The following TEX50 variants were observed in gnomAD, a reference collection of about 807,000 sequenced individuals.
The protein encoded by TEX50 is testis expressed 50.
TEX50 carries 3 observed loss-of-function variants against 9.8 expected under a neutral mutation model. The observed-to-expected ratio is 0.31, with a 90% CI of 0.14 to 0.79. The LOEUF is 0.79. TEX50 is among the 30% of genes least tolerant of loss of function. The pLI, the probability that TEX50 is intolerant of heterozygous loss-of-function variation, is 0.63. For synonymous variants in TEX50, 61 were observed against 72.1 expected, an observed-to-expected ratio of 0.85 and a Z score of 0.78; for missense variants, 164 against 199.3, an observed-to-expected ratio of 0.82 and a Z score of 1.07.
intron 1 of TEX50, among the ~76,000 whole-genome samples, chr1:173,636,047 A>G (rs1454796535): frequency 6.6e-6 from 1 of 152,140 alleles, no homozygotes; most frequent in East Asian, 1.9e-4. Context: ...GAAGGTCCTT[A>G]GAATCATCTA....
intron 1 of TEX50, 60 bp downstream of exon 1, chr1:173,635,905 T>C: frequency 8.0e-7 from 1 of 1,247,418 alleles, no homozygotes; most frequent in Non-Finnish European, 1.1e-6. Flanking sequence ...GAACATAATA[T>C]TACTAGTTTC....
intron 1 of TEX50, 47 bp from the exon 2 acceptor site, chr1:173,636,780 T>C (rs1668463734): frequency 2.2e-6 from 3 of 1,337,244 alleles, no homozygotes; most frequent in Non-Finnish European, 2.1e-6. Context: ...AGTATTGAAC[T>C]CTACTGTTTT....
At position 173,636,874 on chromosome 1, in the gene TEX50, C is replaced by T. The variant is rs2102341595; in HGVS notation, c.372C>T (p.Ser124=). 6.5e-7 allele frequency: 1 copy of T among 1,535,700 alleles called. No homozygotes were observed. Among genetic ancestry groups the T allele is most frequent in the Non-Finnish European group, 8.7e-7 (1 of 1,146,756 alleles). ...SLEKPGNDLE[S]PLINNIDQTL... ...AAAAACCTGGTAATGATCTAGAAAGCCCATTGATCAACAACATTGACCAAA... is the reference window on the plus strand; with the variant it reads ...AAAAACCTGGTAATGATCTAGAAAGTCCATTGATCAACAACATTGACCAAA... The change falls in exon 2 of 2, where the codon AGC becomes AGT. Residue 124 remains serine, a synonymous_variant. Coordinates refer to ENST00000417563, the MANE Select transcript of TEX50 (RefSeq NM_001195190.3).
In TEX50 at chr1:173,635,749, A is replaced by G. The variant is rs762024453; in HGVS notation, c.228A>G (p.Leu76=). Residue 76 remains leucine, a synonymous_variant, in exon 1 of 2, where the codon TTA becomes TTG. Transcript: ENST00000417563. ...FANMDIFQGC[L]YLIYNLLQAV... ...ACATGGATATATTTCAGGGTTGTTT[A>G]TATCTCATTTATAATTTATTACAAG... is the stretch of plus-strand genomic sequence containing the variant. The G allele has an allele frequency of 6.5e-7, 1 of 1,535,498 alleles. No homozygotes were observed. Among genetic ancestry groups the G allele is most frequent in the South Asian group, 1.2e-5 (1 of 84,050 alleles).
intron 1 of TEX50, among the ~76,000 whole-genome samples, chr1:173,636,326 A>C (rs1486462008): frequency 6.6e-6 from 1 of 152,196 alleles, no homozygotes; most frequent in Non-Finnish European, 1.5e-5. Flanking sequence ...TGAGAAATGG[A>C]GCTTTTAAAC....
At chr1:173,636,246 C>A (rs1668436891) in intron 1 of TEX50, among the ~76,000 whole-genome samples, 1 of 152,072 alleles carries the variant, frequency 6.6e-6, no homozygotes, top group Non-Finnish European at 1.5e-5. Flanking sequence ...TCTAAGAAAT[C>A]TAAGTACAAA....
In TEX50 at chr1:173,635,848, G is replaced by A. The variant is rs1421014336; in HGVS notation, c.324+3G>A. 11 of 1,520,002 alleles carry A rather than the reference G, an allele frequency of 7.2e-6. No homozygotes were observed. Among genetic ancestry groups the A allele is most frequent in the Non-Finnish European group, 7.9e-6 (9 of 1,135,540 alleles). 94.2% of individuals were successfully genotyped at this position (1,520,002 alleles called of 1,614,324 possible). On this transcript the variant is annotated splice_donor_region_variant and intron_variant, in intron 1 of 1. Coordinates refer to ENST00000417563, the MANE Select transcript of TEX50 (RefSeq NM_001195190.3). Reference sequence around the variant, plus strand: ...AATGGAAGAAACACCAAAAAAAGGTGAATTCGTGATACAAGTAGTAATAGT... The same window carrying A: ...AATGGAAGAAACACCAAAAAAAGGTAAATTCGTGATACAAGTAGTAATAGT...
At chr1:173,636,433 C>A (rs749022565) in intron 1 of TEX50, among the ~76,000 whole-genome samples, 1 of 152,242 alleles carries the variant, frequency 6.6e-6, no homozygotes, top group East Asian at 1.9e-4. Flanking sequence ...ACCTCATTGA[C>A]CTTCAGAAGA....
rs1668393592 is a variant in TEX50 at position 173,635,561 on chromosome 1, T to C, written c.40T>C (p.Phe14Leu). The change falls in exon 1 of 2, where the codon TTT becomes CTT. Residue 14 changes from phenylalanine (F) to leucine (L), a missense_variant. Phe to Leu is a conservative substitution (Grantham distance 22). Transcript: ENST00000417563. ...QRLPLIFSLLFICFFGESFCI... is the reference protein window; with the variant it reads ...QRLPLIFSLLLICFFGESFCI... ...ACTACCGCTGATTTTTTCTCTGTTG[T>C]TTATCTGCTTCTTCGGGGAGAGTTT... The C allele has an allele frequency of 5.2e-6, 8 of 1,535,000 alleles. No homozygotes were observed. In the South Asian group the frequency reaches 8.3e-5, roughly 16 times the overall value.
Position 173,635,480 on chromosome 1 carries a change from T to G in TEX50, c.-42T>G. ...TTTAGCTAATTTAGCTATTTTAAAA[T>G]AGCTAAATTTTAGCTACTTTTTTTT... On this transcript the variant is annotated 5_prime_UTR_variant, in exon 1 of 2. Coordinates refer to ENST00000417563, the MANE Select transcript of TEX50 (RefSeq NM_001195190.3). The G allele has an allele frequency of 7.2e-7, 1 of 1,381,550 alleles. No homozygotes were observed. 85.6% of individuals were successfully genotyped at this position (1,381,550 alleles called of 1,614,324 possible).
At position 173,637,068 on chromosome 1, in the gene TEX50, T is replaced by A. The variant is rs12067170; in HGVS notation, c.*32T>A. On this transcript the variant is annotated 3_prime_UTR_variant, in exon 2 of 2. Coordinates refer to ENST00000417563, the MANE Select transcript of TEX50 (RefSeq NM_001195190.3). ...GCATATGCAAATGTAGCTTAGTCAA[T>A]TATAGATATCACAAAAGAAATCTAT... The A allele has an allele frequency of 0.31, 421,217 of 1,346,764 alleles. 75,865 individuals are homozygous for A. Among genetic ancestry groups the A allele is most frequent in the African/African-American group, 0.75 (51,588 of 68,362 alleles). The allele number at this position is 1,346,764 out of a possible 1,614,324, so 83.4% of individuals were successfully genotyped here.
Position 173,635,453 on chromosome 1 carries a change from T to A in TEX50, c.-69T>A. 1 of 1,078,468 alleles carries A rather than the reference T, an allele frequency of 9.3e-7. No homozygotes were observed. The highest frequency in any genetic ancestry group is 1.3e-6 in the Non-Finnish European group (1 of 772,410). The allele number at this position is 1,078,468 out of a possible 1,614,324, so 66.8% of individuals were successfully genotyped here. ...AGGGAATTTAGTTATTTTATTTTAT[T>A]ATTTAGCTAATTTAGCTATTTTAAA... On this transcript the variant is annotated 5_prime_UTR_variant, in exon 1 of 2. Transcript: ENST00000417563.
Position 173,635,795 on chromosome 1 carries a change from G to A in TEX50, c.274G>A (p.Val92Ile). The A allele has an allele frequency of 1.3e-6, 2 of 1,535,342 alleles. No individual in the cohort carries two copies. Among genetic ancestry groups the A allele is most frequent in the Non-Finnish European group, 1.7e-6 (2 of 1,146,442 alleles). ...ACAAGCTGTCTTCTTCGTCTTATTT[G>A]TTTTGTCTGTGCATTACCTGTGGAA... is the stretch of plus-strand genomic sequence containing the variant. ...LLQAVFFVLF[V>I]LSVHYLWKKW... Residue 92 changes from valine to isoleucine, a missense_variant, in exon 1 of 2, where the codon GTT (valine) becomes ATT (isoleucine). Around this residue, in one of 3 missense-constraint regions of TEX50, gnomAD observed 135 missense variants for 154.2 expected, o/e 0.88. Transcript: ENST00000417563.
chr1:173,635,527 T>A lies in TEX50; in HGVS notation c.6T>A (p.Ser2=). Residue 2 remains serine, a synonymous_variant, in exon 1 of 2, where the codon TCT becomes TCA. Coordinates refer to ENST00000417563, the MANE Select transcript of TEX50 (RefSeq NM_001195190.3). ...TTTTCAATTGACAAAGAAGGATGTC[T>A]AATCAAAGACTACCGCTGATTTTTT... The part of the protein sequence containing the change: M[S]NQRLPLIFSL... 1 of 1,516,004 alleles carries A rather than the reference T, an allele frequency of 6.6e-7. No homozygotes were observed. The highest frequency in any genetic ancestry group is 2.5e-5 in the East Asian group (1 of 40,632). The allele number at this position is 1,516,004 out of a possible 1,614,324, so 93.9% of individuals were successfully genotyped here.
chr1:173,636,946 G>A lies in TEX50; in HGVS notation c.444G>A (p.Trp148Ter). The change falls in exon 2 of 2, where the codon TGG (tryptophan) becomes TGA (stop). Residue 148 changes from tryptophan (W) to a stop codon, truncating the protein, a stop_gained. Coordinates refer to ENST00000417563, the MANE Select transcript of TEX50 (RefSeq NM_001195190.3). LOFTEE classifies it low-confidence loss of function (END_TRUNC). ...ATTASVIYKI[W>*]EHRSHHPSSK... ...CAGCATCAGTGATATACAAGATCTG[G>A]GAGCACAGGTCTCACCATCCTTCCT... 6.5e-6 allele frequency: 10 copies of A among 1,535,528 alleles called. No individual in the cohort carries two copies. Among genetic ancestry groups the A allele is most frequent in the Non-Finnish European group, 8.7e-6 (10 of 1,146,562 alleles).
At chr1:173,636,315 C>T (rs1278623284) in intron 1 of TEX50, among the ~76,000 whole-genome samples, 2 of 152,168 alleles carry the variant, frequency 1.3e-5, no homozygotes. Context: ...GAACAACTTT[C>T]TGAGAAATGG....
In TEX50 at chr1:173,635,516, A is replaced by C; in HGVS notation, c.-6A>C. The stretch of plus-strand genomic sequence containing the variant: ...TAGCTACTTTTTTTTCAATTGACAA[A>C]GAAGGATGTCTAATCAAAGACTACC... On this transcript the variant is annotated 5_prime_UTR_variant, in exon 1 of 2. Coordinates refer to ENST00000417563, the MANE Select transcript of TEX50 (RefSeq NM_001195190.3). 1 of 1,495,686 alleles carries C rather than the reference A, an allele frequency of 6.7e-7. No individual in the cohort carries two copies. The highest frequency in any genetic ancestry group is 1.3e-5 in the South Asian group (1 of 77,264). The allele number at this position is 1,495,686 out of a possible 1,614,324, so 92.7% of individuals were successfully genotyped here.
At chr1:173,636,505 T>C (rs909138178) in intron 1 of TEX50, among the ~76,000 whole-genome samples, 4 of 152,204 alleles carry the variant, frequency 2.6e-5, no homozygotes, top group South Asian at 4.1e-4. Flanking sequence ...GTGTTATACC[T>C]TGAGGTTCTT....
In TEX50 at chr1:173,635,506, C is replaced by G. The variant is rs1239477760; in HGVS notation, c.-16C>G. On this transcript the variant is annotated 5_prime_UTR_variant, in exon 1 of 2. Transcript: ENST00000417563. ...AGCTAAATTTTAGCTACTTTTTTTT[C>G]AATTGACAAAGAAGGATGTCTAATC... is the stretch of plus-strand genomic sequence containing the variant. 1 of 1,465,406 alleles carries G rather than the reference C, an allele frequency of 6.8e-7. No homozygotes were observed. The highest frequency in any genetic ancestry group is 1.4e-5 in the African/African-American group (1 of 69,796). The allele number at this position is 1,465,406 out of a possible 1,614,324, so 90.8% of individuals were successfully genotyped here.
Sources: allele counts gnomAD v4.1 joint callset (sites outside exome capture counted in the v4.1 genomes callset), GRCh38; gene constraint gnomAD v4.1.1; regional missense constraint gnomAD v4.1.1; transcripts MANE v1.5; gene names NCBI Gene and HGNC (gene_info 2026-07-23, HGNC 2026-07-21).